CADM2: variants seen among roughly 807,000 people sequenced by gnomAD.
The protein encoded by CADM2 is immunoglobulin superfamily member 4D.
CADM2 carries 12 observed loss-of-function variants against 49.8 expected under a neutral mutation model. The observed-to-expected ratio is 0.24, with a 90% confidence interval of 0.15 to 0.39. The LOEUF (loss-of-function observed/expected upper bound fraction) is 0.39. Among genes scored for constraint, CADM2 ranks in the 10% least tolerant of loss-of-function variants. The probability of loss-of-function intolerance (pLI) is 1.00; values close to 1 mark genes in which losing one functional copy is unlikely to be tolerated. For synonymous variants in CADM2, 214 were observed against 175.4 expected (o/e 1.22, Z -1.74); for missense variants, 378 against 492.3 (o/e 0.77, Z 2.20).
At chr3:85,997,507 T>C (rs1729577156) in intron 8 of CADM2, among the ~76,000 whole-genome samples, 4 of 152,230 alleles carry the variant, frequency 2.6e-5, no homozygotes, top group Admixed American at 2.0e-4. Flanking sequence ...ACTGGGAAAA[T>C]GGAAACATCA....
intron 1 of CADM2, among the ~76,000 whole-genome samples, chr3:85,232,606 CA>C (rs1225724225): frequency 6.6e-6 from 1 of 151,662 alleles, no homozygotes; most frequent in East Asian, 1.9e-4. Context: ...TAAAAATGTG[CA>C]AAAGATATGA....
At chr3:85,444,057 T>G (rs1469899092) in intron 1 of CADM2, among the ~76,000 whole-genome samples, 2 of 152,128 alleles carry the variant, frequency 1.3e-5, no homozygotes, top group Non-Finnish European at 2.9e-5. Context: ...AAGGCCAACC[T>G]TCTCTCTTTC....
intron 1 of CADM2, among the ~76,000 whole-genome samples, chr3:85,034,716 A>G (rs2035133683): frequency 6.6e-6 from 1 of 150,434 alleles, no homozygotes; most frequent in South Asian, 2.1e-4. Flanking sequence ...CACCAACAGT[A>G]TACAAGGATT....
chr3:85,180,864 A>T (rs906546762), intron 1 of CADM2, among the ~76,000 whole-genome samples: 2 of 152,184 alleles, frequency 1.3e-5, no homozygotes, highest in Admixed American at 1.3e-4. Context: ...TGATCCACAA[A>T]AAAGTTTTGG....
At chr3:85,782,456 C>A (rs2070710954) in intron 2 of CADM2, among the ~76,000 whole-genome samples, 1 of 151,826 alleles carries the variant, frequency 6.6e-6, no homozygotes, top group Non-Finnish European at 1.5e-5. Flanking sequence ...GCGGGCGGAT[C>A]ACGAGGTCAG....
intron 1 of CADM2, among the ~76,000 whole-genome samples, chr3:85,310,028 AT>A (rs1224152204): frequency 3.3e-5 from 5 of 152,162 alleles, no homozygotes. Context: ...AAATTTAATG[AT>A]TTTGGTGTAT....
chr3:85,756,388 T>C (rs1302355401), intron 2 of CADM2, among the ~76,000 whole-genome samples: 2 of 152,166 alleles, frequency 1.3e-5, no homozygotes, highest in Non-Finnish European at 2.9e-5. Flanking sequence ...TGAATCCAGA[T>C]TGCTCCAGAT....
intron 1 of CADM2, among the ~76,000 whole-genome samples, chr3:85,685,627 T>TTG (rs1669525751): frequency 6.8e-6 from 1 of 146,830 alleles, no homozygotes; most frequent in African/African-American, 2.5e-5. Context: ...TTTTTTTTTT[T>TTG]TTTTTTTTGT....
At chr3:86,019,163 G>T (rs1403695082) in intron 8 of CADM2, among the ~76,000 whole-genome samples, 84 of 127,156 alleles carry the variant, frequency 6.6e-4, no homozygotes, top group Admixed American at 1.4e-3. Flanking sequence ...GTTTTTCTCA[G>T]GTTTGTCAAA....
chr3:85,322,788 C>T (rs1448176279), intron 1 of CADM2, among the ~76,000 whole-genome samples: 2 of 152,022 alleles, frequency 1.3e-5, no homozygotes, highest in South Asian at 2.1e-4. Context: ...AGGTGGGTAT[C>T]CAGGGGGAGT....
chr3:85,131,280 CTGT>C (rs1335581240), intron 1 of CADM2, among the ~76,000 whole-genome samples: 1 of 152,100 alleles, frequency 6.6e-6, no homozygotes, highest in Non-Finnish European at 1.5e-5. Flanking sequence ...TTCTCAGAAA[CTGT>C]TGAATTTTAA....
intron 5 of CADM2, among the ~76,000 whole-genome samples, chr3:85,898,882 CT>C (rs1715647431): frequency 7.2e-6 from 1 of 138,572 alleles, no homozygotes; most frequent in Non-Finnish European, 1.5e-5. Flanking sequence ...TTTTAAAGGC[CT>C]TGCCATTTTC....
At chr3:85,185,222 A>G (rs1275583276) in intron 1 of CADM2, among the ~76,000 whole-genome samples, 1 of 152,012 alleles carries the variant, frequency 6.6e-6, no homozygotes, top group Admixed American at 6.6e-5. Context: ...CAGCAGCACT[A>G]TGACTAATGT....
chr3:85,599,501 T>TA lies in CADM2; in HGVS notation c.62-127017dup, dbSNP rs139571177. Among the ~76,000 whole-genome samples the TA allele has an allele frequency of 4.6e-3, 700 of 152,088 alleles. 13 individuals carry two copies. In the East Asian group the frequency reaches 0.052, roughly 11 times the overall value. On this transcript the variant is annotated intron_variant, in intron 1 of 9. Transcript: ENST00000383699. ...ACTGTTTCTGCATTCTTTCTGTCAT[T>TA]AAAATCCTCATTTATATGAATTAAT...
intron 1 of CADM2, among the ~76,000 whole-genome samples, chr3:85,507,814 C>CTGGGGGA (rs1196585244): frequency 6.6e-6 from 1 of 152,136 alleles, no homozygotes; most frequent in African/African-American, 2.4e-5. Flanking sequence ...ATATCTGTTT[C>CTGGGGGA]TGGGGGATAA....
chr3:85,660,154 C>T (rs2065355001), intron 1 of CADM2, among the ~76,000 whole-genome samples: 1 of 152,000 alleles, frequency 6.6e-6, no homozygotes, highest in South Asian at 2.1e-4. Flanking sequence ...TGAGATGCAC[C>T]CTCTCTGGGC....
intron 1 of CADM2, among the ~76,000 whole-genome samples, chr3:85,537,513 TGTGC>T (rs942577497): frequency 2.0e-5 from 3 of 146,828 alleles, no homozygotes; most frequent in African/African-American, 7.6e-5. Context: ...TGTGTGTGTG[TGTGC>T]GTGTGCAAGA....
chr3:85,272,183 G>C (rs750687965), intron 1 of CADM2, among the ~76,000 whole-genome samples: 5 of 151,038 alleles, frequency 3.3e-5, no homozygotes, highest in Non-Finnish European at 7.4e-5. Flanking sequence ...AGCCAAAATG[G>C]AATGTTATTT....
intron 1 of CADM2, among the ~76,000 whole-genome samples, chr3:85,244,109 G>T (rs778271984): frequency 2.6e-5 from 4 of 151,866 alleles, no homozygotes; most frequent in African/African-American, 9.7e-5. Context: ...GAAAAAACTC[G>T]CCTACCCTAA....
Sources: gnomAD v4.1 joint callset for allele counts (sites outside exome capture counted in the v4.1 genomes callset) on GRCh38, gnomAD v4.1.1 for gene constraint, MANE v1.5 for transcripts, NCBI Gene and HGNC (gene_info 2026-07-23, HGNC 2026-07-21) for gene names.